WWOX: variants seen among roughly 807,000 people sequenced by gnomAD.
WWOX encodes WW domain containing oxidoreductase.
Under a neutral mutation model 46.2 loss-of-function variants are expected in WWOX, and 69 were observed. That is an observed-to-expected ratio of 1.49 (90% confidence interval 1.23 to 1.82). The LOEUF is 1.82. Ranked by LOEUF, WWOX falls within the 40% of genes most tolerant of loss-of-function variation. The probability of loss-of-function intolerance (pLI) is 0.00; values close to 1 mark genes in which losing one functional copy is unlikely to be tolerated. For missense variants in WWOX, 919 were observed against 542.6 expected (o/e 1.69, Z -6.89); for synonymous variants, 359 against 202.6 (o/e 1.77, Z -6.56).
chr16:78,218,442 A>ACT (rs1490040700), intron 5 of WWOX, among the ~76,000 whole-genome samples: 2 of 151,926 alleles, frequency 1.3e-5, no homozygotes, highest in Non-Finnish European at 2.9e-5. Context: ...GTATGATGTA[A>ACT]CTCTATAGGA....
intron 8 of WWOX, among the ~76,000 whole-genome samples, chr16:79,141,121 G>A (rs1357469211): frequency 6.6e-6 from 1 of 152,142 alleles, no homozygotes; most frequent in African/African-American, 2.4e-5. Context: ...TCACCCCTCT[G>A]TTCACTGAGA....
chr16:79,200,576 A>C (rs2051327413), intron 8 of WWOX, among the ~76,000 whole-genome samples: 1 of 152,256 alleles, frequency 6.6e-6, no homozygotes, highest in South Asian at 2.1e-4. Context: ...AGAAGTAATA[A>C]CAGGTCGTTG....
chr16:79,041,492 AGC>A (rs1264327997), intron 8 of WWOX, among the ~76,000 whole-genome samples: 7 of 152,160 alleles, frequency 4.6e-5, no homozygotes, highest in Non-Finnish European at 7.3e-5. Flanking sequence ...TGGATGATGG[AGC>A]AGGGATCATG....
At chr16:78,969,326 A>G (rs1055382074) in intron 8 of WWOX, among the ~76,000 whole-genome samples, 9 of 151,314 alleles carry the variant, frequency 5.9e-5, no homozygotes, top group African/African-American at 9.7e-5. Context: ...CTGGAATACA[A>G]TGGTGCTATC....
chr16:79,164,646 TC>T (rs2050555903), intron 8 of WWOX, among the ~76,000 whole-genome samples: 1 of 152,152 alleles, frequency 6.6e-6, no homozygotes, highest in Non-Finnish European at 1.5e-5. Flanking sequence ...AAGGGAAAGT[TC>T]CCACTTTATT....
intron 8 of WWOX, among the ~76,000 whole-genome samples, chr16:78,809,066 C>T (rs2051119043): frequency 6.6e-6 from 1 of 151,990 alleles, no homozygotes; most frequent in South Asian, 2.1e-4. Flanking sequence ...AGCTATGGGC[C>T]CCGAGAAACA....
chr16:78,802,409 G>T (rs1045437367), intron 8 of WWOX, among the ~76,000 whole-genome samples: 3 of 151,842 alleles, frequency 2.0e-5, no homozygotes, highest in Non-Finnish European at 4.4e-5. Flanking sequence ...TAAATGCCGA[G>T]GAAGCAAGTG....
At chr16:78,445,246 A>G (rs771189607) in intron 8 of WWOX, among the ~76,000 whole-genome samples, 1 of 152,164 alleles carries the variant, frequency 6.6e-6, no homozygotes, top group African/African-American at 2.4e-5. Flanking sequence ...ATCTATTTCC[A>G]CAAAGGATTT....
intron 8 of WWOX, among the ~76,000 whole-genome samples, chr16:79,079,366 A>G (rs919694116): frequency 6.6e-6 from 1 of 152,246 alleles, no homozygotes; most frequent in African/African-American, 2.4e-5. Context: ...AAAATATGAC[A>G]GAAGTGTCAC....
chr16:78,409,775 G>C (rs566695644), intron 6 of WWOX, among the ~76,000 whole-genome samples: 4 of 152,062 alleles, frequency 2.6e-5, no homozygotes, highest in African/African-American at 7.2e-5. Context: ...GCCTTTTCCA[G>C]CTTCTAAAGG....
chr16:78,905,393 T>C (rs2044935666), intron 8 of WWOX, among the ~76,000 whole-genome samples: 1 of 152,236 alleles, frequency 6.6e-6, no homozygotes, highest in Admixed American at 6.5e-5. Context: ...TATTTATTTA[T>C]TTTTTTGGAC....
At chr16:78,872,976 C>G (rs1033056193) in intron 8 of WWOX, 3 of 152,090 alleles carry the variant, frequency 2.0e-5, no homozygotes, top group Admixed American at 6.6e-5. Context: ...CTTTGTGTTT[C>G]TGTAAAGATG....
chr16:78,806,961 T>A (rs980242802), intron 8 of WWOX, among the ~76,000 whole-genome samples: 1 of 152,210 alleles, frequency 6.6e-6, no homozygotes, highest in Non-Finnish European at 1.5e-5. Flanking sequence ...TGCCTCTTAC[T>A]AGCCACATGA....
intron 5 of WWOX, among the ~76,000 whole-genome samples, chr16:78,343,087 T>C (rs1274006164): frequency 8.3e-6 from 1 of 121,210 alleles, no homozygotes; most frequent in Non-Finnish European, 2.0e-5. Flanking sequence ...CATGTTGGCT[T>C]GTTTTTCTTT....
Position 78,723,492 on chromosome 16 carries a change from T to C in WWOX, c.1056+290740T>C, listed in dbSNP as rs538210136. On this transcript the variant is annotated intron_variant, in intron 8 of 8. Transcript: ENST00000566780. ...TGTTCTTATCTGCATGTTTCTCTCT[T>C]TCCAGCCTCATCTTCTACTACCTTC... Among the ~76,000 whole-genome samples, 384 of 152,278 alleles carry C rather than the reference T, an allele frequency of 2.5e-3. 4 individuals are homozygous for C. Among genetic ancestry groups the C allele is most frequent in the African/African-American group, 9.0e-3 (374 of 41,552 alleles).
intron 4 of WWOX, among the ~76,000 whole-genome samples, chr16:78,153,783 C>G (rs1038781423): frequency 5.3e-5 from 8 of 152,184 alleles, no homozygotes; most frequent in African/African-American, 1.7e-4. Context: ...ATAATTAAAA[C>G]CATAATTTAC....
At chr16:78,521,786 T>G (rs1276628128) in intron 8 of WWOX, among the ~76,000 whole-genome samples, 1 of 84,898 alleles carries the variant, frequency 1.2e-5, no homozygotes, top group Non-Finnish European at 2.2e-5. Context: ...ATAACTTGTT[T>G]TTTTTTTTGG....
At chr16:78,131,775 G>A (rs1446636501) in intron 4 of WWOX, among the ~76,000 whole-genome samples, 1 of 151,344 alleles carries the variant, frequency 6.6e-6, no homozygotes, top group Non-Finnish European at 1.5e-5. Context: ...TAGTAGAGAT[G>A]GGGTTTCACC....
chr16:78,893,844 A>G (rs2044643034), intron 8 of WWOX, among the ~76,000 whole-genome samples: 1 of 152,050 alleles, frequency 6.6e-6, no homozygotes, highest in South Asian at 2.1e-4. Context: ...ACACTCACAC[A>G]GTATCTTTTG....
Sources: gnomAD v4.1 joint callset for allele counts (sites outside exome capture counted in the v4.1 genomes callset) on GRCh38, gnomAD v4.1.1 for gene constraint, MANE v1.5 for transcripts, NCBI Gene and HGNC (gene_info 2026-07-23, HGNC 2026-07-21) for gene names.